FBXO24: variants seen among roughly 807,000 people sequenced by gnomAD.
FBXO24 encodes F-box only protein 24.
FBXO24 carries 30 observed loss-of-function variants against 63.5 expected under a neutral mutation model. That is an observed-to-expected ratio of 0.47 (90% CI 0.35 to 0.64). FBXO24 has a LOEUF of 0.64. FBXO24 is among the 30% of genes least tolerant of loss of function. The pLI is 0.00. For synonymous variants in FBXO24, 300 were observed against 305.0 expected (o/e 0.98, Z 0.17); for missense variants, 624 against 763.4 (o/e 0.82, Z 2.15).
chr7:100,597,444 C>T (rs1802365307), intron 8 of FBXO24, among the ~76,000 whole-genome samples: 2 of 152,064 alleles, frequency 1.3e-5, no homozygotes, highest in Non-Finnish European at 2.9e-5. Context: ...GTCTCCCAGG[C>T]TGGAGTGCAA....
chr7:100,591,301 A>C (rs1199436915), intron 3 of FBXO24, among the ~76,000 whole-genome samples: 2 of 151,896 alleles, frequency 1.3e-5, no homozygotes, highest in Non-Finnish European at 2.9e-5. Flanking sequence ...GCGTGCAAAA[A>C]TTCACTGAGC....
At chr7:100,589,475 G>C (rs1801891456) in intron 1 of FBXO24, 2 of 1,280,928 alleles carry the variant, frequency 1.6e-6, no homozygotes, top group Admixed American at 7.4e-5. Flanking sequence ...AACTGAGCTA[G>C]AACCCAGGAG....
intron 1 of FBXO24, among the ~76,000 whole-genome samples, chr7:100,587,025 G>A (rs894548307): frequency 6.6e-6 from 1 of 152,208 alleles, no homozygotes; most frequent in African/African-American, 2.4e-5. Context: ...GGACAGGAAT[G>A]GAGAGGGGAC....
intron 3 of FBXO24, 135 bp from the exon 4 acceptor site, chr7:100,591,532 G>C (rs1464540870): frequency 1.4e-6 from 1 of 703,444 alleles, no homozygotes; most frequent in African/African-American, 1.8e-5. Flanking sequence ...CCTTCATAAG[G>C]GGTCTGTTTG....
Position 100,590,254 on chromosome 7 carries a change from C to T in FBXO24, c.219C>T (p.Cys73=), listed in dbSNP as rs761343939. ...CCTGCCGCTACTTCCACGAAGTGTG[C>T]GATGGGGAAGGCGTGTGGAGACGCA... ...GQTCRYFHEV[C]DGEGVWRRIC... The change falls in exon 3 of 10, where the codon TGC becomes TGT. Residue 73 remains cysteine (C), a synonymous_variant. Coordinates refer to ENST00000241071, the MANE Select transcript of FBXO24 (RefSeq NM_033506.3). 5.6e-6 allele frequency: 9 copies of T among 1,614,142 alleles called. No individual in the cohort carries two copies. Among genetic ancestry groups the T allele is most frequent in the Non-Finnish European group, 7.6e-6 (9 of 1,180,010 alleles).
Position 100,594,427 on chromosome 7 carries a change from G to A in FBXO24, c.838G>A (p.Asp280Asn), listed in dbSNP as rs748260289. ...YSLVVNETQL[D>N]QPRSYTVQLA... ...TTTGGTAGTGAATGAGACCCAGCTT[G>A]ACCAGCCACGCTCCTACACGGTTCA... is the stretch of plus-strand genomic sequence containing the variant. The change falls in exon 6 of 10, where the codon GAC (aspartate) becomes AAC (asparagine). Residue 280 changes from aspartate to asparagine, a missense_variant. Physicochemically the swap from Asp to Asn is conservative, Grantham distance 23. This residue lies in a region of FBXO24 where 391 missense variants were observed against 469.1 expected (regional missense o/e 0.83). Transcript: ENST00000241071. This position sits in a 1 kb window ranked among gnomAD's most constrained non-coding sequence, Gnocchi z 4.2. 1 of 1,613,174 alleles carries A rather than the reference G, an allele frequency of 6.2e-7. No individual in the cohort carries two copies. The highest frequency in any genetic ancestry group is 1.3e-5 in the African/African-American group (1 of 74,992).
intron 8 of FBXO24, among the ~76,000 whole-genome samples, chr7:100,597,760 G>A (rs2131276515): frequency 6.6e-6 from 1 of 152,002 alleles, no homozygotes; most frequent in Admixed American, 6.6e-5. Flanking sequence ...GGAGTGCAGT[G>A]ACACAATCGT....
intron 1 of FBXO24, chr7:100,589,715 A>C (rs1380978488): frequency 1.3e-6 from 2 of 1,547,554 alleles, no homozygotes; most frequent in Non-Finnish European, 1.7e-6. Context: ...GGGAGGGGGC[A>C]ATCAGGATGG....
chr7:100,595,142 G>T lies in FBXO24; in HGVS notation c.993G>T (p.Val331=). The change falls in exon 7 of 10, where the codon GTG becomes GTT. Residue 331 remains valine (V), a synonymous_variant. Coordinates refer to ENST00000241071, the MANE Select transcript of FBXO24 (RefSeq NM_033506.3). ...GVYFEVHTPG[V]YRDLFGTLQA... ...ATTTTGAGGTGCATACCCCAGGGGT[G>T]TATCGCGATCTCTTTGGGACCCTTC... The T allele has an allele frequency of 1.9e-6, 3 of 1,614,088 alleles. No individual in the cohort carries two copies. Among genetic ancestry groups the T allele is most frequent in the Non-Finnish European group, 2.5e-6 (3 of 1,179,988 alleles).
At position 100,600,689 on chromosome 7, in the gene FBXO24, C is replaced by A. The variant is rs770204403; in HGVS notation, c.1533C>A (p.Asp511Glu). 3.8e-5 allele frequency: 62 copies of A among 1,614,036 alleles called. No individual in the cohort carries two copies. Among genetic ancestry groups the A allele is most frequent in the Admixed American group, 2.7e-4 (16 of 60,008 alleles). ...EPSLGARAPQ[D>E]PGGMAQACEE... Reference sequence around the variant, plus strand: ...GCCTGGGGGCCAGAGCACCCCAGGACCCCGGGGGGATGGCCCAGGCCTGCG... The same window carrying A: ...GCCTGGGGGCCAGAGCACCCCAGGAACCCGGGGGGATGGCCCAGGCCTGCG... Residue 511 changes from aspartate (D) to glutamate (E), a missense_variant, in exon 10 of 10, where the codon GAC becomes GAA. Around this residue, in one of 3 missense-constraint regions of FBXO24, gnomAD observed 216 missense variants for 245.2 expected, o/e 0.88. Coordinates refer to ENST00000241071, the MANE Select transcript of FBXO24 (RefSeq NM_033506.3). The surrounding 1 kb of genome is among the most constrained non-coding windows in gnomAD (Gnocchi z 6.3).
intron 4 of FBXO24, chr7:100,592,290 A>T (rs1678827507): frequency 4.0e-6 from 1 of 250,682 alleles, no homozygotes; most frequent in South Asian, 4.8e-5. Flanking sequence ...AGACCGGGTA[A>T]TTTATAAGGC....
intron 4 of FBXO24, 139 bp downstream of exon 4, chr7:100,592,041 A>G: frequency 2.5e-6 from 2 of 789,366 alleles, no homozygotes; most frequent in East Asian, 2.7e-5. Flanking sequence ...CAGGCGGATC[A>G]GCTGAGACCA....
intron 1 of FBXO24, 138 bp from the exon 2 acceptor site, chr7:100,589,839 A>G: frequency 6.5e-7 from 1 of 1,530,798 alleles, no homozygotes; most frequent in African/African-American, 1.4e-5. Flanking sequence ...TATTTGGAGA[A>G]GTTAGGGATG....
In FBXO24 at chr7:100,595,095, C is replaced by A; in HGVS notation, c.953-7C>A. On this transcript the variant is annotated splice_region_variant and splice_polypyrimidine_tract_variant and intron_variant, in intron 6 of 9. Transcript: ENST00000241071. ...AGCTGCTGAGCTGAGGGCTCCTGAC[C>A]CCCCAGACCAGGGGGGAGTGTATTT... The A allele has an allele frequency of 6.2e-7, 1 of 1,613,754 alleles. No individual in the cohort carries two copies. Among genetic ancestry groups the A allele is most frequent in the Non-Finnish European group, 8.5e-7 (1 of 1,179,806 alleles).
intron 3 of FBXO24, among the ~76,000 whole-genome samples, chr7:100,591,325 G>A (rs1476795248): frequency 2.0e-5 from 3 of 152,048 alleles, no homozygotes; most frequent in Non-Finnish European, 4.4e-5. Flanking sequence ...GAGGATGGGA[G>A]GAGGGGCTCA....
chr7:100,592,731 C>T, intron 4 of FBXO24, 52 bp from the exon 5 acceptor site: 1 of 1,453,274 alleles, frequency 6.9e-7, no homozygotes, highest in Non-Finnish European at 9.6e-7. Flanking sequence ...CTGCCCCAGC[C>T]CCATCCCATT....
rs573141679 is a variant in FBXO24, at chr7:100,596,686, C to G, written c.1206+980C>G. ...GAATGGGAAGGAATGGATACAGGAG[C>G]TATTTGGGAAGAAAATGAATAGGGC... On this transcript the variant is annotated intron_variant, in intron 8 of 9. Transcript: ENST00000241071. Among the ~76,000 whole-genome samples the G allele has an allele frequency of 1.7e-3, 253 of 152,086 alleles. 1 individual carries two copies. The highest frequency in any genetic ancestry group is 3.1e-3 in the Non-Finnish European group (208 of 68,002).
At chr7:100,599,868 C>T (rs1001651244) in intron 8 of FBXO24, 163 bp from the exon 9 acceptor site, 6 of 706,114 alleles carry the variant, frequency 8.5e-6, no homozygotes, top group Non-Finnish European at 1.4e-5. Flanking sequence ...AGTATGGGGG[C>T]TGCAGGGGTC....
At position 100,589,849 on chromosome 7, in the gene FBXO24, G is replaced by A. The variant is rs1414664298; in HGVS notation, c.40-128G>A. On this transcript the variant is annotated intron_variant, in intron 1 of 9. Transcript: ENST00000241071. ...GGAGTTATTTGGAGAAGTTAGGGAT[G>A]GGTCTGGAGAGAGAGGGGAGGAAAT... The A allele has an allele frequency of 2.6e-6, 4 of 1,532,548 alleles. No homozygotes were observed. The African/African-American group carries it at 5.5e-5, about 21-fold the overall frequency. 94.9% of individuals were successfully genotyped at this position (1,532,548 alleles called of 1,614,324 possible). A position where few individuals can be genotyped will look rare whatever the true frequency, so the allele number is the denominator to read the frequency against.
Sources: allele counts gnomAD v4.1 joint callset (sites outside exome capture counted in the v4.1 genomes callset), GRCh38; gene constraint gnomAD v4.1.1; regional missense constraint gnomAD v4.1.1; non-coding constraint Gnocchi (gnomAD v3.1); transcripts MANE v1.5; gene names NCBI Gene and HGNC (gene_info 2026-07-23, HGNC 2026-07-21).